The following EVC2 variants were observed in gnomAD, a reference collection of about 807,000 sequenced individuals.
EVC2 encodes the protein EvC ciliary complex subunit 2.
Under a neutral mutation model 149.3 loss-of-function variants are expected in EVC2, and 148 were observed. The ratio of observed to expected loss-of-function variants is 0.99; its 90% confidence interval spans 0.87 to 1.14. EVC2 has a LOEUF of 1.14. EVC2 is among the 50% of genes most tolerant of loss of function. EVC2 has a pLI of 0.00. For missense variants in EVC2, 1,854 were observed against 1,627.3 expected, an observed-to-expected ratio of 1.14 and a Z score of -2.40; for synonymous variants, 776 against 649.9, an observed-to-expected ratio of 1.19 and a Z score of -2.95.
intron 16 of EVC2, among the ~76,000 whole-genome samples, chr4:5,592,998 G>C (rs542830502): frequency 6.6e-6 from 1 of 152,286 alleles, no homozygotes; most frequent in South Asian, 2.1e-4. Context: ...GTTCTCATGA[G>C]ATCTGATGGT....
chr4:5,701,364 T>C (rs971598610), intron 1 of EVC2, among the ~76,000 whole-genome samples: 7 of 152,208 alleles, frequency 4.6e-5, no homozygotes, highest in Non-Finnish European at 8.8e-5. Flanking sequence ...AAACCTGACA[T>C]ATCCACAGGT....
In EVC2 at chr4:5,640,801, G is replaced by C; in HGVS notation, c.1183C>G (p.Leu395Val). ...IATLNRADAD[L>V]EACRTQISKD... ...CTGATTTGTGTTCGACAAGCCTCCA[G>C]ATCTGCATCTGCCCGATTCAGGGTT... Residue 395 changes from leucine to valine, a missense_variant, in exon 10 of 22, where the codon CTG (leucine) becomes GTG (valine). Transcript: ENST00000344408. The surrounding 1 kb of genome is among the most constrained non-coding windows in gnomAD (Gnocchi z 4.6). 3 of 1,614,174 alleles carry C rather than the reference G, an allele frequency of 1.9e-6. No individual in the cohort carries two copies. Among genetic ancestry groups the C allele is most frequent in the Non-Finnish European group, 2.5e-6 (3 of 1,180,040 alleles).
chr4:5,530,527 G>A, the EVC2 span, among the ~76,000 whole-genome samples: 1 of 105,376 alleles, frequency 9.5e-6, no homozygotes, highest in East Asian at 1.3e-3. Context: ...GTTACCGCGT[G>A]TGTGTGTGTG....
chr4:5,622,508 G>A lies in EVC2; in HGVS notation c.2501+29C>T. On this transcript the variant is annotated intron_variant, in intron 14 of 21. Coordinates refer to ENST00000344408, the MANE Select transcript of EVC2 (RefSeq NM_147127.5). The surrounding 1 kb of genome is among the most constrained non-coding windows in gnomAD (Gnocchi z 5.8). ...TCCCTGGCATCAACGGGATGGGGAG[G>A]GGTGATTACGACCCGCAAAGGCACT... 6.2e-7 allele frequency: 1 copy of A among 1,607,802 alleles called. No homozygotes were observed. The highest frequency in any genetic ancestry group is 2.2e-5 in the East Asian group (1 of 44,448).
chr4:5,553,589 T>A (rs547653543), intron 21 of EVC2, among the ~76,000 whole-genome samples: 1 of 152,292 alleles, frequency 6.6e-6, no homozygotes, highest in South Asian at 2.1e-4. Flanking sequence ...GCAGTGACTA[T>A]AAGCAGATAC....
At chr4:5,659,234 T>G (rs1718724752) in intron 9 of EVC2, among the ~76,000 whole-genome samples, 1 of 152,116 alleles carries the variant, frequency 6.6e-6, no homozygotes, top group South Asian at 2.1e-4. Flanking sequence ...GAATTACAAA[T>G]GCGATAACTG....
At chr4:5,616,799 C>A (rs1229347604) in intron 15 of EVC2, among the ~76,000 whole-genome samples, 2 of 152,124 alleles carry the variant, frequency 1.3e-5, no homozygotes, top group African/African-American at 4.8e-5. Context: ...GGAGCGAGCA[C>A]CTTCGCGAAA....
At chr4:5,703,332 C>T (rs1212049213) in intron 1 of EVC2, among the ~76,000 whole-genome samples, 3 of 152,136 alleles carry the variant, frequency 2.0e-5, no homozygotes, top group African/African-American at 2.4e-5. Flanking sequence ...ACTATAAAAT[C>T]GCCACTTTGT....
intron 10 of EVC2, among the ~76,000 whole-genome samples, 177 bp from the exon 11 acceptor site, chr4:5,632,209 A>T (rs1716596596): frequency 6.6e-6 from 1 of 152,244 alleles, no homozygotes; most frequent in Non-Finnish European, 1.5e-5. Context: ...GTGCATGCAC[A>T]TGTGTGCACA....
intron 1 of EVC2, among the ~76,000 whole-genome samples, chr4:5,698,521 T>G (rs535360992): frequency 5.3e-5 from 8 of 152,338 alleles, no homozygotes; most frequent in African/African-American, 1.9e-4. Flanking sequence ...AAACTGAGCC[T>G]GGCCAAACCC....
chr4:5,675,631 C>T (rs1393941576), intron 7 of EVC2, among the ~76,000 whole-genome samples: 2 of 151,970 alleles, frequency 1.3e-5, no homozygotes, highest in African/African-American at 4.8e-5. Context: ...TTTTCACATC[C>T]CCTCTAAAGT....
intron 1 of EVC2, among the ~76,000 whole-genome samples, chr4:5,698,509 C>G (rs931989860): frequency 2.0e-5 from 3 of 152,200 alleles, no homozygotes; most frequent in African/African-American, 7.2e-5. Flanking sequence ...GAAAATTTGT[C>G]TAAACTGAGC....
chr4:5,559,450 G>A (rs1396903720), downstream of EVC2, among the ~76,000 whole-genome samples: 1 of 152,194 alleles, frequency 6.6e-6, no homozygotes, highest in Non-Finnish European at 1.5e-5. This position sits in a 1 kb window ranked among gnomAD's most constrained non-coding sequence, Gnocchi z 5.0. Flanking sequence ...CTAGGGCTCA[G>A]AGTTTAGTTT....
intron 5 of EVC2, among the ~76,000 whole-genome samples, chr4:5,685,745 C>T (rs146588489): frequency 3.9e-3 from 597 of 152,318 alleles, no homozygotes; most frequent in Non-Finnish European, 7.1e-3. Context: ...AGTGGGGGTG[C>T]ACCACCCGCA....
chr4:5,561,216 G>A (rs1721941424), downstream of EVC2, among the ~76,000 whole-genome samples: 1 of 152,196 alleles, frequency 6.6e-6, no homozygotes, highest in Admixed American at 6.5e-5. Flanking sequence ...GAAGAACATA[G>A]ATGTGGTGGA....
At chr4:5,556,179 C>CAAAAAAAAAAAAAAAAAAAAAAAAAAA (rs61024761) in intron 21 of EVC2, among the ~76,000 whole-genome samples, 1 of 65,020 alleles carries the variant, frequency 1.5e-5, no homozygotes, top group African/African-American at 7.1e-5. Context: ...GACTCCGTCT[C>CAAAAAAAAAAAAAAAAAAAAAAAAAAA]AAAAAAAAAA....
chr4:5,641,849 T>C (rs1717352552), intron 9 of EVC2, among the ~76,000 whole-genome samples: 1 of 152,230 alleles, frequency 6.6e-6, no homozygotes, highest in Non-Finnish European at 1.5e-5. Context: ...GGTTTACATG[T>C]GCCATGGTGG....
intron 17 of EVC2, among the ~76,000 whole-genome samples, chr4:5,580,601 C>T (rs77245606): frequency 0.013 from 1,999 of 152,216 alleles, 31 homozygotes; most frequent in African/African-American, 0.045. Context: ...CTCACTCTGC[C>T]CCTAACTCAC....
At chr4:5,582,784 A>ATTG (rs1221780704) in intron 17 of EVC2, among the ~76,000 whole-genome samples, 1 of 152,162 alleles carries the variant, frequency 6.6e-6, no homozygotes, top group African/African-American at 2.4e-5. Context: ...TCCTTCATGA[A>ATTG]TTGTTCAGCA....
Sources: gnomAD v4.1 joint callset for allele counts (sites outside exome capture counted in the v4.1 genomes callset) on GRCh38, gnomAD v4.1.1 for gene constraint, Gnocchi (gnomAD v3.1) non-coding constraint, MANE v1.5 for transcripts, NCBI Gene and HGNC (gene_info 2026-07-23, HGNC 2026-07-21) for gene names.